The following TMEM255A variants were observed in gnomAD, a reference collection of about 807,000 sequenced individuals.
TMEM255A encodes transmembrane protein 255A, also known as family with sequence similarity 70, member A.
In TMEM255A, 14 loss-of-function variants were observed where a neutral mutation model predicts 23.5. The observed-to-expected ratio is 0.60, with a 90% CI of 0.39 to 0.93. The LOEUF (loss-of-function observed/expected upper bound fraction) is 0.93. Among genes scored for constraint, TMEM255A ranks in the 40% least tolerant of loss-of-function variants. The pLI is 0.00. For missense variants in TMEM255A, 233 were observed against 261.7 expected (o/e 0.89, Z 0.76); for synonymous variants, 104 against 100.3 (o/e 1.04, Z -0.22).
downstream of TMEM255A, chrX:120,254,085 G>A (rs146663704): frequency 4.7e-4 from 566 of 1,209,315 alleles, 2 homozygotes; most frequent in African/African-American, 7.8e-3. Flanking sequence ...CCCAGGCCCT[G>A]TTGCTATTTC....
At chrX:120,272,934 G>A (rs782261668) in intron 7 of TMEM255A, among the ~76,000 whole-genome samples, 47 of 110,464 alleles carry the variant, frequency 4.3e-4, no homozygotes, top group African/African-American at 1.3e-3. Context: ...TAGAGACAGC[G>A]TTTCACCATG....
chrX:120,260,994 C>A lies in TMEM255A; in HGVS notation c.854G>T (p.Gly285Val). The change falls in exon 9 of 9, where the codon GGA becomes GTA. Residue 285 changes from glycine (G) to valine (V), a missense_variant. Transcript: ENST00000371369. Reference sequence around the variant, plus strand: ...GGCAGACTGGGGCTCATCAGAAAGTCCAGAGGGAGGGGAGGATGGAAAGAC... The same window carrying A: ...GGCAGACTGGGGCTCATCAGAAAGTACAGAGGGAGGGGAGGATGGAAAGAC... Reference protein sequence around the residue: ...SGVFPSSPPSGLSDEPQSASP... With the variant: ...SGVFPSSPPSVLSDEPQSASP... 1 of 1,193,414 alleles carries A rather than the reference C, an allele frequency of 8.4e-7. No homozygotes were observed. The highest frequency in any genetic ancestry group is 1.9e-5 in the South Asian group (1 of 53,738).
intron 4 of TMEM255A, among the ~76,000 whole-genome samples, chrX:120,287,587 A>G (rs1556022108): frequency 9.0e-6 from 1 of 110,955 alleles, no homozygotes; most frequent in Non-Finnish European, 1.9e-5. Flanking sequence ...TTATGAAATG[A>G]CACTTTCAAG....
chrX:120,276,384 G>C (rs1556019773), intron 7 of TMEM255A, among the ~76,000 whole-genome samples: 1 of 112,043 alleles, frequency 8.9e-6, no homozygotes, highest in Non-Finnish European at 1.9e-5. Flanking sequence ...TTAGCCTAGA[G>C]CTGGCTCTGC....
intron 8 of TMEM255A, among the ~76,000 whole-genome samples, chrX:120,266,587 T>C (rs781963631): frequency 8.9e-6 from 1 of 112,369 alleles, no homozygotes; most frequent in African/African-American, 3.2e-5. Flanking sequence ...CCAGATGTAT[T>C]ATTGTCCCTA....
At chrX:120,254,687 T>C (rs1489587328), downstream of TMEM255A, 1 of 1,210,400 alleles carries the variant, frequency 8.3e-7, no homozygotes, top group East Asian at 3.0e-5. Flanking sequence ...CTACTGAAAT[T>C]GAAGGCTTAT....
chrX:120,258,299 A>G, downstream of TMEM255A: 1 of 125,134 alleles, frequency 8.0e-6, no homozygotes. Flanking sequence ...CACTTGTACA[A>G]TCTTCCCTGT....
At chrX:120,265,916 G>A (rs2057712940) in intron 8 of TMEM255A, among the ~76,000 whole-genome samples, 2 of 106,573 alleles carry the variant, frequency 1.9e-5, no homozygotes, top group Non-Finnish European at 1.9e-5. Context: ...AGGCCGAGGC[G>A]GGTGAATCAC....
chrX:120,296,891 TGATATATATAATATTATA>T lies in TMEM255A; in HGVS notation c.202-2858_202-2841del, dbSNP rs1569339884. On this transcript the variant is annotated intron_variant, in intron 2 of 8. Coordinates refer to ENST00000371369, the MANE Select transcript of TMEM255A (RefSeq NM_001104544.3). ...TATTATATATCATATATATTATATA[TGATATATATAATATTATA>T]TATATATTATATATAATATTATATA... 9.3e-3 allele frequency among the ~76,000 whole-genome samples: 100 copies of T among 10,795 alleles called. 12 individuals are homozygous for T. Among genetic ancestry groups the T allele is most frequent in the African/African-American group, 0.035 (38 of 1,092 alleles). The allele number at this position is 10,795 out of a possible 115,157, so 9.4% of individuals were successfully genotyped here.
intron 6 of TMEM255A, among the ~76,000 whole-genome samples, chrX:120,283,725 C>T (rs957388944): frequency 3.6e-5 from 4 of 111,772 alleles, no homozygotes; most frequent in South Asian, 3.7e-4. Flanking sequence ...AATGATTCCC[C>T]GCTTTGCATT....
At chrX:120,290,721 A>T (rs1475492496) in intron 4 of TMEM255A, among the ~76,000 whole-genome samples, 2 of 111,941 alleles carry the variant, frequency 1.8e-5, no homozygotes, top group Non-Finnish European at 3.8e-5. Flanking sequence ...AGGGGCCTAC[A>T]TTTATATTCC....
intron 2 of TMEM255A, among the ~76,000 whole-genome samples, chrX:120,297,505 C>G (rs1233573212): frequency 1.8e-5 from 2 of 109,616 alleles, no homozygotes; most frequent in Admixed American, 1.0e-4. Flanking sequence ...GGTTAATGAA[C>G]TCACCAGTGT....
intron 6 of TMEM255A, among the ~76,000 whole-genome samples, chrX:120,282,013 C>T (rs367777317): frequency 3.7e-4 from 41 of 111,284 alleles, no homozygotes; most frequent in African/African-American, 1.2e-3. Context: ...TTTGTTCCCA[C>T]TTTTTTTTTC....
In TMEM255A at chrX:120,294,065, T is replaced by C; in HGVS notation, c.202-14A>G. 2 of 1,138,764 alleles carry C rather than the reference T, an allele frequency of 1.8e-6. No homozygotes were observed. Among genetic ancestry groups the C allele is most frequent in the Non-Finnish European group, 2.4e-6 (2 of 836,212 alleles). The allele number at this position is 1,138,764 out of a possible 1,213,427, so 93.8% of individuals were successfully genotyped here. A position where few individuals can be genotyped will look rare whatever the true frequency, so the allele number is the denominator to read the frequency against. On this transcript the variant is annotated splice_polypyrimidine_tract_variant and intron_variant, in intron 2 of 8. Coordinates refer to ENST00000371369, the MANE Select transcript of TMEM255A (RefSeq NM_001104544.3). ...TCCAAAGCCGAGCTGCAAAGCAATA[T>C]GGCATACATAGTATGTGGGATGACA... is the stretch of plus-strand genomic sequence containing the variant.
In TMEM255A at chrX:120,260,636, GC is replaced by G. The variant is rs2057671793; in HGVS notation, c.*233del. The G allele has an allele frequency of 2.8e-6, 1 of 352,811 alleles. No individual in the cohort carries two copies. The highest frequency in any genetic ancestry group is 4.7e-6 in the Non-Finnish European group (1 of 212,835). The allele number at this position is 352,811 out of a possible 1,213,427, so 29.1% of individuals were successfully genotyped here. A position where few individuals can be genotyped will look rare whatever the true frequency, so the allele number is the denominator to read the frequency against. The stretch of plus-strand genomic sequence containing the variant: ...TCCAAACAAGCTTCTTGCTGGGCTG[GC>G]TCCCCAGTCTTGCTTAGAGAATGTG... On this transcript the variant is annotated 3_prime_UTR_variant, in exon 9 of 9. Transcript: ENST00000371369.
chrX:120,253,324 A>G, the TMEM255A span: 1 of 895,506 alleles, frequency 1.1e-6, no homozygotes, highest in East Asian at 3.1e-5. Context: ...TGAATAAACT[A>G]TTTAATGATG....
At position 120,261,020 on chromosome X, in the gene TMEM255A, A is replaced by G; in HGVS notation, c.828T>C (p.Gly276=). Residue 276 remains glycine, a synonymous_variant, in exon 9 of 9, where the codon GGT becomes GGC. Coordinates refer to ENST00000371369, the MANE Select transcript of TMEM255A (RefSeq NM_001104544.3). ...CAGAGGGAGGGGAGGATGGAAAGAC[A>G]CCGGAATGCTGTGTGATAAAAAGAA... ...PYSAYDFQHS[G]VFPSSPPSGL... 1.7e-6 allele frequency: 2 copies of G among 1,190,442 alleles called. No individual in the cohort carries two copies. The highest frequency in any genetic ancestry group is 2.3e-6 in the Non-Finnish European group (2 of 888,406).
In TMEM255A at chrX:120,294,046, G is replaced by T; in HGVS notation, c.207C>A (p.Gly69=). Residue 69 remains glycine, a synonymous_variant, in exon 3 of 9, where the codon GGC becomes GGA. Coordinates refer to ENST00000371369, the MANE Select transcript of TMEM255A (RefSeq NM_001104544.3). ...VGGYYPGVIL[G]FGSFLGIIGS... ...CAATGATTCCAAGGAACGATCCAAA[G>T]CCGAGCTGCAAAGCAATATGGCATA... The T allele has an allele frequency of 8.4e-7, 1 of 1,184,416 alleles. No homozygotes were observed. Among genetic ancestry groups the T allele is most frequent in the South Asian group, 1.8e-5 (1 of 56,437 alleles).
At chrX:120,295,656 C>T (rs1263743393) in intron 2 of TMEM255A, among the ~76,000 whole-genome samples, 1 of 112,001 alleles carries the variant, frequency 8.9e-6, no homozygotes, top group Non-Finnish European at 1.9e-5. Context: ...AGTTATCACA[C>T]TAGCCTGGCT....
Sources: gnomAD v4.1 joint callset for allele counts (sites outside exome capture counted in the v4.1 genomes callset) on GRCh38, gnomAD v4.1.1 for gene constraint, MANE v1.5 for transcripts, NCBI Gene and HGNC (gene_info 2026-07-23, HGNC 2026-07-21) for gene names.